RC3H2: variants seen among roughly 807,000 people sequenced by gnomAD.
RC3H2 encodes roquin-2.
Under a neutral mutation model 133.3 loss-of-function variants are expected in RC3H2, and 31 were observed. That is an observed-to-expected ratio of 0.23 (90% CI 0.17 to 0.31). The LOEUF (loss-of-function observed/expected upper bound fraction) is 0.31, where lower values mean the gene tolerates loss of function less well. RC3H2 is among the 10% of genes least tolerant of loss of function. The pLI, the probability that RC3H2 is intolerant of heterozygous loss-of-function variation, is 1.00. For synonymous variants in RC3H2, 517 were observed against 502.2 expected, an observed-to-expected ratio of 1.03 and a Z score of -0.40; for missense variants, 1,175 against 1,437.2, an observed-to-expected ratio of 0.82 and a Z score of 2.95.
At chr9:122,872,781 C>G (rs1416098648) in intron 9 of RC3H2, among the ~76,000 whole-genome samples, 1 of 152,016 alleles carries the variant, frequency 6.6e-6, no homozygotes, top group Non-Finnish European at 1.5e-5. Flanking sequence ...GACAGAGTTT[C>G]CCCCATGCTG....
At chr9:122,894,677 C>T (rs1328734999) in intron 2 of RC3H2, among the ~76,000 whole-genome samples, 1 of 152,032 alleles carries the variant, frequency 6.6e-6, no homozygotes, top group Non-Finnish European at 1.5e-5. Context: ...GTCAGGAGTT[C>T]GAGACCAGCC....
At chr9:122,904,108 G>GA (rs1832751733) in intron 1 of RC3H2, among the ~76,000 whole-genome samples, 1 of 152,124 alleles carries the variant, frequency 6.6e-6, no homozygotes, top group South Asian at 2.1e-4. Flanking sequence ...TACAAAATTG[G>GA]AAAAAAGATT....
At chr9:122,894,215 C>T (rs1267010197) in intron 2 of RC3H2, among the ~76,000 whole-genome samples, 6 of 151,412 alleles carry the variant, frequency 4.0e-5, no homozygotes, top group Admixed American at 2.6e-4. Context: ...GCCGAGATCG[C>T]GCCACTGCAC....
intron 8 of RC3H2, among the ~76,000 whole-genome samples, chr9:122,878,416 G>A (rs1000729287): frequency 6.6e-6 from 1 of 151,774 alleles, no homozygotes; most frequent in Non-Finnish European, 1.5e-5. Flanking sequence ...GACTACAGGC[G>A]CCTGCCACCA....
intron 10 of RC3H2, among the ~76,000 whole-genome samples, chr9:122,863,988 C>G (rs1160404202): frequency 1.3e-5 from 2 of 152,172 alleles, no homozygotes; most frequent in Non-Finnish European, 2.9e-5. Context: ...CTGCCCACCT[C>G]GGCCTCCCAA....
intron 18 of RC3H2, among the ~76,000 whole-genome samples, chr9:122,852,368 C>T (rs972887379): frequency 4.7e-5 from 7 of 150,270 alleles, no homozygotes; most frequent in Non-Finnish European, 5.9e-5. Context: ...AAGTGAGGAG[C>T]GTCTCCGCCC....
intron 18 of RC3H2, 53 bp from the exon 19 acceptor site, chr9:122,851,489 C>G: frequency 6.3e-7 from 1 of 1,586,728 alleles, no homozygotes; most frequent in Non-Finnish European, 8.6e-7. Flanking sequence ...TCCCCATGGT[C>G]TCCCTCTCCC....
intron 9 of RC3H2, among the ~76,000 whole-genome samples, chr9:122,872,155 C>T (rs1239381147): frequency 6.6e-6 from 1 of 152,142 alleles, no homozygotes; most frequent in Non-Finnish European, 1.5e-5. Flanking sequence ...GATTTTCTGC[C>T]CTGATGCATT....
At chr9:122,851,758 C>T (rs1186850853) in intron 18 of RC3H2, among the ~76,000 whole-genome samples, 1 of 152,240 alleles carries the variant, frequency 6.6e-6, no homozygotes, top group Non-Finnish European at 1.5e-5. Context: ...CTCGGCCTCC[C>T]GAGGTGCCGG....
Position 122,849,773 on chromosome 9 carries a change from G to C in RC3H2, c.3430C>G (p.Leu1144Val). ...LPVTSCFSQP[L>V]PVSISNASCL... is the part of the protein sequence containing the mutation. ...CTTGCATTGCTAATAGACACTGGGAGTGGCTGGCTAAAGCAAGAAGTTACC... is the reference window on the plus strand; with the variant it reads ...CTTGCATTGCTAATAGACACTGGGACTGGCTGGCTAAAGCAAGAAGTTACC... Residue 1144 changes from leucine to valine, a missense_variant, in exon 21 of 21, where the codon CTC becomes GTC. Physicochemically the swap from Leu to Val is conservative, Grantham distance 32 (BLOSUM62 1). Transcript: ENST00000357244. The C allele has an allele frequency of 1.3e-6, 2 of 1,594,298 alleles. No homozygotes were observed. Among genetic ancestry groups the C allele is most frequent in the Non-Finnish European group, 1.7e-6 (2 of 1,171,342 alleles).
At chr9:122,901,928 CTTTTTTT>C (rs542589870) in intron 1 of RC3H2, among the ~76,000 whole-genome samples, 8 of 116,882 alleles carry the variant, frequency 6.8e-5, no homozygotes, top group Admixed American at 4.4e-4. Flanking sequence ...ATAACTACTT[CTTTTTTT>C]TTTTTTTTTT....
In RC3H2 at chr9:122,847,478, A is replaced by G. The variant is rs2131373704; in HGVS notation, c.*2149T>C. On this transcript the variant is annotated 3_prime_UTR_variant, in exon 21 of 21. Coordinates refer to ENST00000357244, the MANE Select transcript of RC3H2 (RefSeq NM_001100588.3). ...TTCAACATGGAAGATCTCACTATTA[A>G]ATATCCATGAAATAGACAGACTGGT... The G allele has an allele frequency of 6.6e-6, 1 of 152,264 alleles. No homozygotes were observed. The highest frequency in any genetic ancestry group is 1.9e-4 in the East Asian group (1 of 5,178). The allele number at this position is 152,264 out of a possible 1,614,324, so 9.4% of individuals were successfully genotyped here. A position where few individuals can be genotyped will look rare whatever the true frequency, so the allele number is the denominator to read the frequency against.
intron 1 of RC3H2, among the ~76,000 whole-genome samples, chr9:122,898,494 A>C (rs1386889931): frequency 6.6e-6 from 1 of 152,178 alleles, no homozygotes; most frequent in Non-Finnish European, 1.5e-5. Flanking sequence ...TCACACCTAT[A>C]ATCCCAGCAC....
chr9:122,859,583 C>A (rs548868000), intron 11 of RC3H2, among the ~76,000 whole-genome samples: 1 of 152,052 alleles, frequency 6.6e-6, no homozygotes, highest in Non-Finnish European at 1.5e-5. Context: ...TGGGAGCAGA[C>A]GTTAAAGACC....
At chr9:122,893,145 T>A in intron 2 of RC3H2, 119 bp from the exon 3 acceptor site, 1 of 1,298,018 alleles carries the variant, frequency 7.7e-7, no homozygotes, top group Non-Finnish European at 1.0e-6. Flanking sequence ...AGATAATACA[T>A]GAAAGCCATT....
In RC3H2 at chr9:122,860,025, G is replaced by C; in HGVS notation, c.1741C>G (p.Pro581Ala). The C allele has an allele frequency of 6.2e-7, 1 of 1,613,950 alleles. No homozygotes were observed. Residue 581 changes from proline (P) to alanine (A), a missense_variant, in exon 11 of 21, where the codon CCA becomes GCA. Pro to Ala is a conservative substitution (Grantham distance 27, BLOSUM62 -1). Coordinates refer to ENST00000357244, the MANE Select transcript of RC3H2 (RefSeq NM_001100588.3). ...TATACTGGTACTCTAGTTAGAAATG[G>C]GCTGGATTTTTGAGGCACAGAATTC... ...ELNSVPQKSSPFLTRVPVYPP... is the reference protein window; with the variant it reads ...ELNSVPQKSSAFLTRVPVYPP...
intron 1 of RC3H2, among the ~76,000 whole-genome samples, chr9:122,901,229 A>G (rs988933686): frequency 1.3e-5 from 2 of 152,194 alleles, no homozygotes; most frequent in African/African-American, 4.8e-5. Flanking sequence ...CATTGTTTTC[A>G]TTCTTGTTAA....
At chr9:122,871,195 G>A (rs991573265) in intron 9 of RC3H2, among the ~76,000 whole-genome samples, 1 of 152,106 alleles carries the variant, frequency 6.6e-6, no homozygotes, top group Non-Finnish European at 1.5e-5. Flanking sequence ...CTCACCACCT[G>A]TGGCCTAGGT....
In RC3H2 at chr9:122,888,027, G is replaced by A. The variant is rs182382837; in HGVS notation, c.583+2285C>T. On this transcript the variant is annotated intron_variant, in intron 4 of 20. Coordinates refer to ENST00000357244, the MANE Select transcript of RC3H2 (RefSeq NM_001100588.3). ...CCCAAAGTGCTGGGATTACAGGCGT[G>A]AGCCACTGCGCCTGGCCTTGTATCT... Among the ~76,000 whole-genome samples the A allele has an allele frequency of 2.6e-3, 394 of 152,234 alleles. 4 individuals carry two copies. Among genetic ancestry groups the A allele is most frequent in the Non-Finnish European group, 3.3e-3 (226 of 68,010 alleles).
Sources: allele counts gnomAD v4.1 joint callset (sites outside exome capture counted in the v4.1 genomes callset), GRCh38; gene constraint gnomAD v4.1.1; transcripts MANE v1.5; gene names NCBI Gene and HGNC (gene_info 2026-07-23, HGNC 2026-07-21).